The following ZHX2 variants were observed in gnomAD, a reference collection of about 807,000 sequenced individuals.
ZHX2 encodes zinc fingers and homeoboxes 2, also known as zinc fingers and homeoboxes protein 2.
Under a neutral mutation model 21.9 loss-of-function variants are expected in ZHX2, and 6 were observed. The observed-to-expected ratio is 0.27, with a 90% confidence interval of 0.15 to 0.54. ZHX2 has a LOEUF of 0.54. Among genes scored for constraint, ZHX2 ranks in the 20% least tolerant of loss-of-function variants. The probability of loss-of-function intolerance (pLI) is 0.95; values close to 1 mark genes in which losing one functional copy is unlikely to be tolerated. For synonymous variants in ZHX2, 434 were observed against 437.1 expected, an observed-to-expected ratio of 0.99 and a Z score of 0.09; for missense variants, 908 against 1,090.7, an observed-to-expected ratio of 0.83 and a Z score of 2.36.
chr8:122,914,462 C>T lies in ZHX2; in HGVS notation c.-219-36830C>T, dbSNP rs189354254. On this transcript the variant is annotated intron_variant, in intron 2 of 3. Coordinates refer to ENST00000314393, the MANE Select transcript of ZHX2 (RefSeq NM_014943.5). ...GGCCCTTTCGGTTATTTCTCAGCCA[C>T]GCCTCCAGGCCCCATTTCAGCCCTG... Among the ~76,000 whole-genome samples the T allele has an allele frequency of 1.1e-4, 17 of 152,344 alleles. No homozygotes were observed. In the East Asian group the frequency reaches 3.3e-3, roughly 29 times the overall value.
rs1586415802 is a variant in ZHX2 at position 122,950,041 on chromosome 8, A to G, written c.-219-1251A>G. Among the ~76,000 whole-genome samples the G allele has an allele frequency of 2.0e-5, 3 of 152,136 alleles. No homozygotes were observed. The South Asian group carries it at 6.2e-4, about 32-fold the overall frequency. On this transcript the variant is annotated intron_variant, in intron 2 of 3. Coordinates refer to ENST00000314393, the MANE Select transcript of ZHX2 (RefSeq NM_014943.5). ...GGCTGGATCCAGCTGTATAGGCTGG[A>G]TTGTAAGTCAAGCCCTCTCATACAC... is the stretch of plus-strand genomic sequence containing the variant.
chr8:122,805,872 G>GC (rs1817812795), intron 1 of ZHX2, among the ~76,000 whole-genome samples: 1 of 151,782 alleles, frequency 6.6e-6, no homozygotes, highest in Non-Finnish European at 1.5e-5. Flanking sequence ...TGTAGGTCCT[G>GC]GAAAAAAAAG....
intron 3 of ZHX2, among the ~76,000 whole-genome samples, chr8:122,959,802 A>G (rs1409088332): frequency 1.3e-5 from 2 of 152,154 alleles, no homozygotes; most frequent in Admixed American, 6.5e-5. Context: ...GACTTCCCTC[A>G]TGCCTAACAG....
chr8:122,848,855 A>G (rs758417933), intron 1 of ZHX2, among the ~76,000 whole-genome samples: 4 of 152,026 alleles, frequency 2.6e-5, no homozygotes, highest in Non-Finnish European at 5.9e-5. Flanking sequence ...AAGCCAAGAG[A>G]TTTTCAGCAT....
intron 2 of ZHX2, among the ~76,000 whole-genome samples, chr8:122,892,188 C>T (rs369725092): frequency 6.6e-6 from 1 of 152,114 alleles, no homozygotes; most frequent in African/African-American, 2.4e-5. Context: ...CCTTCTTTGT[C>T]TCTTTTTTTA....
chr8:122,789,170 C>T (rs1159954475), intron 1 of ZHX2, among the ~76,000 whole-genome samples: 2 of 152,156 alleles, frequency 1.3e-5, no homozygotes, highest in Non-Finnish European at 2.9e-5. Context: ...TGGAGAATGG[C>T]TGTGTTGCTG....
intron 2 of ZHX2, among the ~76,000 whole-genome samples, chr8:122,891,511 C>G (rs753696922): frequency 7.2e-5 from 11 of 152,030 alleles, no homozygotes; most frequent in Admixed American, 2.6e-4. Flanking sequence ...TGAGGTGTAT[C>G]ATTAGATTGT....
At chr8:122,871,397 A>C (rs1344480202) in intron 2 of ZHX2, among the ~76,000 whole-genome samples, 1 of 151,816 alleles carries the variant, frequency 6.6e-6, no homozygotes, top group Non-Finnish European at 1.5e-5. Flanking sequence ...ATGAAGCTGG[A>C]AACCATCATT....
intron 2 of ZHX2, 115 bp from the exon 3 acceptor site, chr8:122,951,177 A>G (rs1813099855): frequency 3.7e-6 from 1 of 266,938 alleles, no homozygotes; most frequent in Admixed American, 4.9e-5. Context: ...CTGTGCATCC[A>G]TAGATGTTCG....
At chr8:122,957,226 C>T (rs1813326505) in intron 3 of ZHX2, among the ~76,000 whole-genome samples, 1 of 147,418 alleles carries the variant, frequency 6.8e-6, no homozygotes, top group African/African-American at 2.5e-5. Flanking sequence ...ATCTTTACCT[C>T]ATTATTTCTG....
At chr8:122,901,391 A>AG (rs1820227000) in intron 2 of ZHX2, among the ~76,000 whole-genome samples, 1 of 152,178 alleles carries the variant, frequency 6.6e-6, no homozygotes, top group South Asian at 2.1e-4. Flanking sequence ...AGTGGTTTTG[A>AG]GGTGAGGCCC....
intron 1 of ZHX2, among the ~76,000 whole-genome samples, chr8:122,851,167 A>G (rs965703648): frequency 1.3e-5 from 2 of 152,144 alleles, no homozygotes; most frequent in Admixed American, 6.5e-5. Context: ...ATTAGGCTGG[A>G]GATCTATTTT....
At chr8:122,929,048 A>C (rs1394126619) in intron 2 of ZHX2, among the ~76,000 whole-genome samples, 1 of 152,224 alleles carries the variant, frequency 6.6e-6, no homozygotes, top group African/African-American at 2.4e-5. Context: ...TTGATTCCAC[A>C]GCAATCTTGT....
rs550408952 is a variant in ZHX2, at chr8:122,967,404, T to C, written c.*5-5838T>C. 4.6e-5 allele frequency among the ~76,000 whole-genome samples: 7 copies of C among 152,098 alleles called. No homozygotes were observed. The East Asian group carries it at 1.4e-3, about 29-fold the overall frequency. ...GGGCTTCCTGAGAGCCAGACTGCAG[T>C]GGTAATTATTGCCCTTCTGGGTCTA... On this transcript the variant is annotated intron_variant, in intron 3 of 3. Coordinates refer to ENST00000314393, the MANE Select transcript of ZHX2 (RefSeq NM_014943.5).
intron 3 of ZHX2, among the ~76,000 whole-genome samples, chr8:122,970,645 C>T (rs1024431550): frequency 5.3e-5 from 8 of 152,322 alleles, no homozygotes; most frequent in East Asian, 1.9e-4. Context: ...GCTGTCTTCC[C>T]GCCTTGGGCC....
intron 2 of ZHX2, among the ~76,000 whole-genome samples, chr8:122,915,693 G>C (rs1176196069): frequency 6.6e-6 from 1 of 152,192 alleles, no homozygotes; most frequent in African/African-American, 2.4e-5. Context: ...AGGAGAGCAA[G>C]AAAAAGCAGA....
intron 2 of ZHX2, among the ~76,000 whole-genome samples, chr8:122,885,940 G>A (rs879186516): frequency 6.6e-6 from 1 of 152,112 alleles, no homozygotes. Context: ...ATGTTTGGGA[G>A]GCATTCATGA....
intron 2 of ZHX2, among the ~76,000 whole-genome samples, chr8:122,917,533 C>A (rs1479868917): frequency 6.6e-6 from 1 of 152,148 alleles, no homozygotes; most frequent in Non-Finnish European, 1.5e-5. Context: ...ATTGAGACAA[C>A]CCTGTCCAAT....
Position 122,947,163 on chromosome 8 carries a change from G to A in ZHX2, c.-219-4129G>A, listed in dbSNP as rs139086684. 4.6e-3 allele frequency among the ~76,000 whole-genome samples: 695 copies of A among 151,786 alleles called. 4 individuals are homozygous for A. Among genetic ancestry groups the A allele is most frequent in the Non-Finnish European group, 7.6e-3 (516 of 67,930 alleles). Reference sequence around the variant, plus strand: ...TGCGTGTGGTCCCAACTTCTTGGGAGGCTAAGGCAGGAAAATTGCTTGAAC... The same window carrying A: ...TGCGTGTGGTCCCAACTTCTTGGGAAGCTAAGGCAGGAAAATTGCTTGAAC... On this transcript the variant is annotated intron_variant, in intron 2 of 3. Transcript: ENST00000314393.
Sources: allele counts gnomAD v4.1 joint callset (sites outside exome capture counted in the v4.1 genomes callset), GRCh38; gene constraint gnomAD v4.1.1; transcripts MANE v1.5; gene names NCBI Gene and HGNC (gene_info 2026-07-23, HGNC 2026-07-21).